RYR2: variants seen among roughly 807,000 people sequenced by gnomAD.
RYR2 encodes ryanodine receptor 2, also known as cardiac muscle ryanodine receptor-calcium release channel.
RYR2 carries 227 observed loss-of-function variants against 601.1 expected under a neutral mutation model. The ratio of observed to expected loss-of-function variants is 0.38; its 90% CI spans 0.34 to 0.42. RYR2 has a LOEUF of 0.42. Ranked by LOEUF, RYR2 falls within the 10% of genes least tolerant of loss-of-function variation. The probability of loss-of-function intolerance (pLI) is 1.00; values close to 1 mark genes in which losing one functional copy is unlikely to be tolerated. For synonymous variants in RYR2, 2,223 were observed against 2,175.1 expected (o/e 1.02, Z -0.61); for missense variants, 4,646 against 6,156.5 (o/e 0.75, Z 8.21).
At chr1:237,613,839 A>G (rs556322637) in intron 36 of RYR2, among the ~76,000 whole-genome samples, 200 bp from the exon 37 acceptor site, 6 of 152,332 alleles carry the variant, frequency 3.9e-5, no homozygotes, top group African/African-American at 1.4e-4. Context: ...GTATAATGCA[A>G]ACATTTCAAA....
rs58106054 is a variant in RYR2 at position 237,501,172 on chromosome 1, G to GT, written c.2396+286dup. Among the ~76,000 whole-genome samples, 15,735 of 127,952 alleles carry GT rather than the reference G, an allele frequency of 0.12. 1,713 individuals are homozygous for GT. Among genetic ancestry groups the GT allele is most frequent in the African/African-American group, 0.3 (10,946 of 36,042 alleles). The allele number at this position is 127,952 out of a possible 152,430, so 83.9% of individuals were successfully genotyped here. On this transcript the variant is annotated intron_variant, in intron 21 of 104. Transcript: ENST00000366574. The stretch of plus-strand genomic sequence containing the variant: ...CCAGGGTCCTGAACTATTTCAAGGT[G>GT]TTTTTTTTTTTTTTTTTAGTTCATT...
chr1:237,613,323 G>A (rs1259234112), intron 36 of RYR2, among the ~76,000 whole-genome samples: 1 of 152,162 alleles, frequency 6.6e-6, no homozygotes, highest in Non-Finnish European at 1.5e-5. Context: ...CCTGGGGGCA[G>A]GAATCATGTC....
intron 1 of RYR2, among the ~76,000 whole-genome samples, chr1:237,193,297 C>G (rs1220739231): frequency 4.6e-5 from 7 of 151,938 alleles, no homozygotes; most frequent in African/African-American, 1.7e-4. Context: ...AACCCCGTCT[C>G]TACTAAAAAT....
At chr1:237,208,024 C>T (rs554787982) in intron 1 of RYR2, among the ~76,000 whole-genome samples, 1 of 152,314 alleles carries the variant, frequency 6.6e-6, no homozygotes, top group Non-Finnish European at 1.5e-5. Context: ...AGCTTTCACC[C>T]ACTGTACCTC....
chr1:237,634,805 A>G, intron 43 of RYR2, 84 bp from the exon 44 acceptor site: 1 of 1,009,060 alleles, frequency 9.9e-7, no homozygotes, highest in Non-Finnish European at 1.5e-6. Context: ...TAGAAATTAA[A>G]TTTTAAGAGG....
chr1:237,303,390 C>G (rs564748564), intron 2 of RYR2, among the ~76,000 whole-genome samples: 2 of 146,342 alleles, frequency 1.4e-5, no homozygotes, highest in African/African-American at 5.1e-5. Flanking sequence ...ACCTCTGCCT[C>G]TCGGGTTCAA....
chr1:237,355,280 C>T (rs1699200773), intron 3 of RYR2, among the ~76,000 whole-genome samples: 1 of 152,012 alleles, frequency 6.6e-6, no homozygotes. Flanking sequence ...GATTTATTTG[C>T]AAGGAATCCT....
Position 237,128,166 on chromosome 1 carries a change from T to C in RYR2, c.48+85597T>C, listed in dbSNP as rs574268416. 2.2e-3 allele frequency among the ~76,000 whole-genome samples: 339 copies of C among 152,272 alleles called. 1 individual carries two copies. The highest frequency in any genetic ancestry group is 6.8e-3 in the African/African-American group (282 of 41,548). On this transcript the variant is annotated intron_variant, in intron 1 of 104. Coordinates refer to ENST00000366574, the MANE Select transcript of RYR2 (RefSeq NM_001035.3). ...GGGAGGCCGAGGCTGGCGGATCACT[T>C]GCGGTTAGGGGCTGGAGACCGGCCT...
intron 62 of RYR2, 72 bp from the exon 63 acceptor site, chr1:237,687,383 T>TTTTATTTTCCCC: frequency 5.8e-6 from 4 of 684,006 alleles, no homozygotes; most frequent in Non-Finnish European, 9.6e-6. Flanking sequence ...TTTTTTTTTT[T>TTTTATTTTCCCC]TAATTTCCCC....
At chr1:237,563,414 A>AAC (rs1259963888) in intron 27 of RYR2, among the ~76,000 whole-genome samples, 2 of 151,178 alleles carry the variant, frequency 1.3e-5, no homozygotes, top group Non-Finnish European at 3.0e-5. Context: ...TCCATCTCAA[A>AAC]AAAAAAAAAA....
chr1:237,463,205 A>T (rs1659682326), intron 16 of RYR2, among the ~76,000 whole-genome samples: 1 of 152,152 alleles, frequency 6.6e-6, no homozygotes, highest in Non-Finnish European at 1.5e-5. Flanking sequence ...TGTGCTGCGT[A>T]GGGCCTGTTC....
chr1:237,508,867 C>T (rs1329557466), intron 23 of RYR2, among the ~76,000 whole-genome samples: 5 of 149,728 alleles, frequency 3.3e-5, no homozygotes, highest in South Asian at 4.2e-4. Context: ...CTCAGCCTCC[C>T]GAGTAGCTGG....
intron 10 of RYR2, among the ~76,000 whole-genome samples, chr1:237,406,172 T>TCCCTC (rs1558764702): frequency 1.1e-4 from 2 of 18,090 alleles, no homozygotes; most frequent in Non-Finnish European, 1.8e-4. Context: ...TCCCTTCCCT[T>TCCCTC]CCCTCCCCTC....
intron 8 of RYR2, among the ~76,000 whole-genome samples, chr1:237,385,274 AC>A (rs1445192117): frequency 5.3e-5 from 8 of 152,234 alleles, no homozygotes; most frequent in African/African-American, 1.9e-4. Flanking sequence ...TATATATTTT[AC>A]ATATGCATAT....
intron 48 of RYR2, among the ~76,000 whole-genome samples, chr1:237,647,929 T>C (rs1346629155): frequency 2.0e-5 from 3 of 152,236 alleles, no homozygotes; most frequent in African/African-American, 4.8e-5. Flanking sequence ...CGTTAAATGC[T>C]ATTATGATTA....
chr1:237,335,166 C>A (rs1281415616), intron 3 of RYR2, among the ~76,000 whole-genome samples: 1 of 152,116 alleles, frequency 6.6e-6, no homozygotes, highest in Non-Finnish European at 1.5e-5. Context: ...TTTAATGATG[C>A]CGCAGCAGTG....
At chr1:237,759,724 C>A (rs1573836833) in intron 82 of RYR2, 52 bp from the exon 83 acceptor site, 1 of 1,089,048 alleles carries the variant, frequency 9.2e-7, no homozygotes, top group Non-Finnish European at 1.4e-6. Flanking sequence ...ATTTATTTAA[C>A]AAACAATAAG....
At chr1:237,058,818 G>T (rs917054026) in intron 1 of RYR2, among the ~76,000 whole-genome samples, 2 of 147,884 alleles carry the variant, frequency 1.4e-5, no homozygotes, top group East Asian at 2.1e-4. Flanking sequence ...GGGGGGCGGG[G>T]TGTTCAGTAA....
intron 43 of RYR2, among the ~76,000 whole-genome samples, chr1:237,634,499 A>G (rs376531494): frequency 2.6e-5 from 4 of 152,160 alleles, no homozygotes; most frequent in African/African-American, 9.7e-5. Flanking sequence ...ACAAAATTTC[A>G]GTTAGATAGA....
Sources: allele counts gnomAD v4.1 joint callset (sites outside exome capture counted in the v4.1 genomes callset), GRCh38; gene constraint gnomAD v4.1.1; transcripts MANE v1.5; gene names NCBI Gene and HGNC (gene_info 2026-07-23, HGNC 2026-07-21).